Variants in MCUR1 observed in about 807,000 individuals in gnomAD.
MCUR1 encodes MCU regulator 1.
A neutral mutation model predicts 42.0 loss-of-function variants in MCUR1; 37 were observed. The ratio of observed to expected loss-of-function variants is 0.88; its 90% CI spans 0.68 to 1.16. The LOEUF (loss-of-function observed/expected upper bound fraction) is 1.16. Among genes scored for constraint, MCUR1 ranks in the 50% most tolerant of loss-of-function variants. MCUR1 has a pLI of 0.00. For synonymous variants in MCUR1, 229 were observed against 196.2 expected (o/e 1.17, Z -1.40); for missense variants, 469 against 468.4 (o/e 1.00, Z -0.01).
chr6:13,812,915 A>G (rs1457125001), intron 1 of MCUR1, among the ~76,000 whole-genome samples: 1 of 152,184 alleles, frequency 6.6e-6, no homozygotes, highest in Non-Finnish European at 1.5e-5. Flanking sequence ...CAGGGCAGTG[A>G]TCTCTCTCAC....
Position 13,800,401 on chromosome 6 carries a change from A to G in MCUR1, c.742-19T>C. On this transcript the variant is annotated intron_variant, in intron 4 of 8. Coordinates refer to ENST00000379170, the MANE Select transcript of MCUR1 (RefSeq NM_001031713.4). The stretch of plus-strand genomic sequence containing the variant: ...TTATTTTCTAAAAACACATAAAAAA[A>G]AAGTCATTAGAAAGAACAACATAAA... 7.2e-7 allele frequency: 1 copy of G among 1,389,858 alleles called. No homozygotes were observed. Among genetic ancestry groups the G allele is most frequent in the East Asian group, 2.3e-5 (1 of 42,996 alleles). The allele number at this position is 1,389,858 out of a possible 1,614,324, so 86.1% of individuals were successfully genotyped here. A position where few individuals can be genotyped will look rare whatever the true frequency, so the allele number is the denominator to read the frequency against.
intron 6 of MCUR1, among the ~76,000 whole-genome samples, chr6:13,798,260 T>A (rs1759901228): frequency 6.6e-6 from 1 of 151,590 alleles, no homozygotes; most frequent in Non-Finnish European, 1.5e-5. Context: ...CATGCCCGGC[T>A]TATTTTTTGT....
chr6:13,796,291 C>CTTTTTTTTTTT (rs369077522), intron 6 of MCUR1, among the ~76,000 whole-genome samples: 16 of 139,256 alleles, frequency 1.1e-4, no homozygotes, highest in African/African-American at 3.8e-4. Context: ...TTTTTCTTTT[C>CTTTTTTTTTTT]TTTTTTTTTT....
At position 13,807,085 on chromosome 6, in the gene MCUR1, C is replaced by CAAAACA. The variant is rs10674565; in HGVS notation, c.416-47_416-42dup. The CAAAACA allele has an allele frequency of 4.7e-3, 7,168 of 1,539,630 alleles. 311 individuals are homozygous for CAAAACA. The African/African-American group carries it at 0.088, about 19-fold the overall frequency. ...CAGTAAGCTCAAAACAGACTTCATG[C>CAAAACA]AAAACAAAAGCAACTCAGCACCCAG... On this transcript the variant is annotated intron_variant, in intron 1 of 8. Coordinates refer to ENST00000379170, the MANE Select transcript of MCUR1 (RefSeq NM_001031713.4).
chr6:13,802,319 A>C lies in MCUR1; in HGVS notation c.563T>G (p.Ile188Ser), dbSNP rs751007556. Reference protein sequence around the residue: ...NGFATQQAEIIVSALVKILEA... With the variant: ...NGFATQQAEISVSALVKILEA... ...CAGGATCTTGACCAATGCAGACACA[A>C]TGATTTCTGCTTGTTGAGTAGCAAA... The change falls in exon 3 of 9, where the codon ATT becomes AGT. Residue 188 changes from isoleucine (I) to serine (S), a missense_variant. Transcript: ENST00000379170. 1 of 1,613,654 alleles carries C rather than the reference A, an allele frequency of 6.2e-7. No homozygotes were observed. The highest frequency in any genetic ancestry group is 8.5e-7 in the Non-Finnish European group (1 of 1,179,722).
intron 6 of MCUR1, among the ~76,000 whole-genome samples, chr6:13,796,805 G>C (rs775115523): frequency 1.6e-4 from 25 of 152,188 alleles, no homozygotes; most frequent in South Asian, 4.1e-4. Flanking sequence ...TTCATGCCCT[G>C]TATTTCCTGA....
At chr6:13,807,770 C>A (rs1205612591) in intron 1 of MCUR1, among the ~76,000 whole-genome samples, 1 of 152,230 alleles carries the variant, frequency 6.6e-6, no homozygotes, top group Non-Finnish European at 1.5e-5. Context: ...AATTTCTCCA[C>A]ATCCTCACCA....
Position 13,793,960 on chromosome 6 carries a change from C to G in MCUR1, c.856-13G>C. 6.2e-7 allele frequency: 1 copy of G among 1,612,824 alleles called. No homozygotes were observed. The highest frequency in any genetic ancestry group is 8.5e-7 in the Non-Finnish European group (1 of 1,179,442). ...CGTTCAATGAATACTGAAATAAACACGTAACATGGGTCAGATTCTGATCTA... is the reference window on the plus strand; with the variant it reads ...CGTTCAATGAATACTGAAATAAACAGGTAACATGGGTCAGATTCTGATCTA... On this transcript the variant is annotated splice_polypyrimidine_tract_variant and intron_variant, in intron 6 of 8. Transcript: ENST00000379170.
At chr6:13,799,918 G>C (rs764286137) in intron 5 of MCUR1, among the ~76,000 whole-genome samples, 2 of 139,134 alleles carry the variant, frequency 1.4e-5, no homozygotes, top group African/African-American at 2.7e-5. Context: ...TGCAACCTCT[G>C]CTTCCTGGGT....
chr6:13,801,496 C>A, intron 3 of MCUR1, 107 bp from the exon 4 acceptor site: 4 of 728,720 alleles, frequency 5.5e-6, no homozygotes, highest in South Asian at 5.4e-5. Flanking sequence ...AATGTGGACA[C>A]AAAAAGAGGT....
chr6:13,801,462 ATCT>A lies in MCUR1; in HGVS notation c.640-76_640-74del, dbSNP rs549687690. ...CCACTTCCTATCATCTCAATGTGCT[ATCT>A]TCTTATTGAGAAACCAGGACAATGT... On this transcript the variant is annotated intron_variant, in intron 3 of 8. Coordinates refer to ENST00000379170, the MANE Select transcript of MCUR1 (RefSeq NM_001031713.4). 5.4e-4 allele frequency: 550 copies of A among 1,012,536 alleles called. 2 individuals are homozygous for A. The African/African-American group carries it at 7.7e-3, about 14-fold the overall frequency. The allele number at this position is 1,012,536 out of a possible 1,614,324, so 62.7% of individuals were successfully genotyped here.
In MCUR1 at chr6:13,802,489, A is replaced by G. The variant is rs1760012976; in HGVS notation, c.536-143T>C. ...AGGCAGGGAGGAGGGTACAGCCACA[A>G]ACTATGACGTGCCGGTCACTCAGAG... On this transcript the variant is annotated intron_variant, in intron 2 of 8. Coordinates refer to ENST00000379170, the MANE Select transcript of MCUR1 (RefSeq NM_001031713.4). 5.1e-6 allele frequency: 3 copies of G among 589,644 alleles called. No homozygotes were observed. In the East Asian group the frequency reaches 9.0e-5, roughly 18 times the overall value. The allele number at this position is 589,644 out of a possible 1,614,324, so 36.5% of individuals were successfully genotyped here. A position where few individuals can be genotyped will look rare whatever the true frequency, so the allele number is the denominator to read the frequency against.
At chr6:13,811,153 A>C (rs1049484056) in intron 1 of MCUR1, among the ~76,000 whole-genome samples, 1 of 152,140 alleles carries the variant, frequency 6.6e-6, no homozygotes, top group Admixed American at 6.5e-5. Context: ...CACCCAGCTA[A>C]GGGAGCAACC....
Position 13,787,730 on chromosome 6 carries a change from G to T in MCUR1, c.*3079C>A, listed in dbSNP as rs1447412602. 3 of 152,190 alleles carry T rather than the reference G, an allele frequency of 2.0e-5. No homozygotes were observed. In the East Asian group the frequency reaches 5.8e-4, roughly 29 times the overall value. The allele number at this position is 152,190 out of a possible 1,614,324, so 9.4% of individuals were successfully genotyped here. A position where few individuals can be genotyped will look rare whatever the true frequency, so the allele number is the denominator to read the frequency against. On this transcript the variant is annotated 3_prime_UTR_variant, in exon 9 of 9. Transcript: ENST00000379170. ...TGTGTTCAGGATCTCGCTATGGTTAGTTACCCATGTGCTAGACATAGGTTG... is the reference window on the plus strand; with the variant it reads ...TGTGTTCAGGATCTCGCTATGGTTATTTACCCATGTGCTAGACATAGGTTG...
At chr6:13,805,600 G>C (rs1193590290) in intron 2 of MCUR1, among the ~76,000 whole-genome samples, 2 of 152,208 alleles carry the variant, frequency 1.3e-5, no homozygotes, top group African/African-American at 4.8e-5. Flanking sequence ...GCCCAGAGCT[G>C]CTGTCTCCCA....
rs1759736456 is a variant in MCUR1, at chr6:13,791,915, A to C, written c.987T>G (p.Leu329=). The C allele has an allele frequency of 6.2e-7, 1 of 1,614,022 alleles. No individual in the cohort carries two copies. The change falls in exon 8 of 9, where the codon CTT becomes CTG. Residue 329 remains leucine (L), a synonymous_variant. Transcript: ENST00000379170. ...TAATATTATCAAGCTTGTGTGACTCAAGCATGGTTTTGAGGCCAGCAACCT... is the reference window on the plus strand; with the variant it reads ...TAATATTATCAAGCTTGTGTGACTCCAGCATGGTTTTGAGGCCAGCAACCT... ...ETEVAGLKTM[L]ESHKLDNIKY...
chr6:13,804,746 T>G (rs1760078687), intron 2 of MCUR1, among the ~76,000 whole-genome samples: 1 of 134,892 alleles, frequency 7.4e-6, no homozygotes, highest in Middle Eastern at 4.5e-3. Context: ...GCCGAGATTG[T>G]GCCACTGTAC....
Position 13,789,961 on chromosome 6 carries a change from T to A in MCUR1, c.*848A>T, listed in dbSNP as rs902905514. The A allele has an allele frequency of 3.3e-5, 5 of 152,016 alleles. No individual in the cohort carries two copies. The highest frequency in any genetic ancestry group is 2.6e-4 in the Admixed American group (4 of 15,244). The allele number at this position is 152,016 out of a possible 1,614,324, so 9.4% of individuals were successfully genotyped here. On this transcript the variant is annotated 3_prime_UTR_variant, in exon 9 of 9. Transcript: ENST00000379170. Reference sequence around the variant, plus strand: ...CCCTAACAATAACTTACCAAGACAATGGAAATCAAAAGAAAAGAAGGTAGA... The same window carrying A: ...CCCTAACAATAACTTACCAAGACAAAGGAAATCAAAAGAAAAGAAGGTAGA...
chr6:13,787,155 G>C lies in MCUR1; in HGVS notation c.*3654C>G, dbSNP rs1759622257. The C allele has an allele frequency of 6.6e-6, 1 of 152,168 alleles. No homozygotes were observed. Among genetic ancestry groups the C allele is most frequent in the South Asian group, 2.1e-4 (1 of 4,834 alleles). The allele number at this position is 152,168 out of a possible 1,614,324, so 9.4% of individuals were successfully genotyped here. On this transcript the variant is annotated 3_prime_UTR_variant, in exon 9 of 9. Coordinates refer to ENST00000379170, the MANE Select transcript of MCUR1 (RefSeq NM_001031713.4). The stretch of plus-strand genomic sequence containing the variant: ...GTTAATTAACAGACAGGCTTGAAAG[G>C]AGAAGGCTAGAAGAGGGAAGATTAT...
Sources: allele counts gnomAD v4.1 joint callset (sites outside exome capture counted in the v4.1 genomes callset), GRCh38; gene constraint gnomAD v4.1.1; transcripts MANE v1.5; gene names NCBI Gene and HGNC (gene_info 2026-07-23, HGNC 2026-07-21).